The following POFUT3 variants were observed in gnomAD, a reference collection of about 807,000 sequenced individuals.
POFUT3 encodes GDP-fucose protein O-fucosyltransferase 3.
the POFUT3 span, among the ~76,000 whole-genome samples, chr8:33,425,060 G>A: frequency 8.5e-5 from 13 of 152,160 alleles, no homozygotes; most frequent in African/African-American, 1.9e-4. Flanking sequence ...CTCAGAGGCC[G>A]GGTGCTGGCT....
the POFUT3 span, among the ~76,000 whole-genome samples, chr8:33,348,170 CAAAAAA>C: frequency 3.2e-5 from 3 of 95,070 alleles, no homozygotes; most frequent in Non-Finnish European, 2.3e-5. Context: ...GACTCTGCCT[CAAAAAA>C]AAAAAAAAAA....
chr8:33,404,551 A>C, the POFUT3 span, among the ~76,000 whole-genome samples: 1 of 152,162 alleles, frequency 6.6e-6, no homozygotes, highest in Non-Finnish European at 1.5e-5. Context: ...TGAACTGCTG[A>C]ACAAAACAGG....
chr8:33,451,010 C>T, the POFUT3 span, among the ~76,000 whole-genome samples: 1 of 151,104 alleles, frequency 6.6e-6, no homozygotes, highest in African/African-American at 2.4e-5. Flanking sequence ...CTATATGCTT[C>T]CAGAGAAGGG....
the POFUT3 span, among the ~76,000 whole-genome samples, chr8:33,350,980 T>C: frequency 1.3e-5 from 2 of 152,336 alleles, no homozygotes; most frequent in African/African-American, 4.8e-5. Context: ...TCTTTATTTT[T>C]ATTTTTATTT....
chr8:33,309,158 AAAAAAAAAAAT>A, the POFUT3 span, among the ~76,000 whole-genome samples: 1 of 46,324 alleles, frequency 2.2e-5, no homozygotes, highest in African/African-American at 1.4e-4. Context: ...AAAAAAAAAA[AAAAAAAAAAAT>A]ATATATATAT....
chr8:33,355,582 T>A, the POFUT3 span, among the ~76,000 whole-genome samples: 1 of 152,192 alleles, frequency 6.6e-6, no homozygotes, highest in East Asian at 1.9e-4. Flanking sequence ...GATCTGCCAA[T>A]TGTTAGTTAT....
chr8:33,394,309 A>T, the POFUT3 span: 1 of 160,424 alleles, frequency 6.2e-6, no homozygotes, highest in African/African-American at 2.4e-5. Context: ...TTGCTAACTG[A>T]CCCTCACCTA....
the POFUT3 span, among the ~76,000 whole-genome samples, chr8:33,335,823 G>T: frequency 1.3e-5 from 2 of 152,126 alleles, no homozygotes; most frequent in Non-Finnish European, 2.9e-5. Context: ...TTATTAAGTG[G>T]AAGTGAATCA....
chr8:33,381,504 T>A, the POFUT3 span, among the ~76,000 whole-genome samples: 4 of 152,194 alleles, frequency 2.6e-5, no homozygotes, highest in African/African-American at 9.6e-5. Flanking sequence ...AGATAGTAGA[T>A]AAAAGTTTGT....
the POFUT3 span, among the ~76,000 whole-genome samples, chr8:33,433,967 TAAA>T: frequency 6.9e-5 from 9 of 130,886 alleles, no homozygotes; most frequent in Non-Finnish European, 1.1e-4. Context: ...GACACTGTCA[TAAA>T]AAAAAAAAAA....
the POFUT3 span, chr8:33,389,252 G>A: frequency 6.2e-7 from 1 of 1,614,112 alleles, no homozygotes; most frequent in Non-Finnish European, 8.5e-7. Flanking sequence ...GATGCTGGGG[G>A]ATCCGTAATA....
At chr8:33,311,122 T>G in the POFUT3 span, among the ~76,000 whole-genome samples, 1 of 152,222 alleles carries the variant, frequency 6.6e-6, no homozygotes, top group African/African-American at 2.4e-5. Flanking sequence ...CAAGCAAGAC[T>G]ATTCTCCTTG....
the POFUT3 span, among the ~76,000 whole-genome samples, chr8:33,375,117 C>T: frequency 6.6e-6 from 1 of 151,868 alleles, no homozygotes. Flanking sequence ...GTCTTGAAAT[C>T]CTGACCTCAG....
chr8:33,344,066 A>T, the POFUT3 span, among the ~76,000 whole-genome samples: 1 of 152,154 alleles, frequency 6.6e-6, no homozygotes, highest in Non-Finnish European at 1.5e-5. Context: ...TTTTTCCGTT[A>T]GTTCGTTTGT....
chr8:33,356,723 G>A, the POFUT3 span, among the ~76,000 whole-genome samples: 2 of 151,838 alleles, frequency 1.3e-5, no homozygotes, highest in African/African-American at 4.8e-5. Context: ...TGCTTTTGGT[G>A]TTTTAGACAT....
At chr8:33,323,107 A>G in the POFUT3 span, among the ~76,000 whole-genome samples, 2 of 152,174 alleles carry the variant, frequency 1.3e-5, no homozygotes, top group Non-Finnish European at 2.9e-5. Context: ...AAACAGGAGC[A>G]CACATACAAG....
chr8:33,363,596 C>T, the POFUT3 span, among the ~76,000 whole-genome samples: 20 of 151,978 alleles, frequency 1.3e-4, no homozygotes, highest in Non-Finnish European at 2.2e-4. Context: ...ATATCACCAC[C>T]GATCCCACAG....
the POFUT3 span, chr8:33,436,504 C>G: frequency 3.2e-6 from 4 of 1,234,902 alleles, no homozygotes; most frequent in East Asian, 9.5e-5. Context: ...GGCTTCCACA[C>G]TGATGTTTAC....
chr8:33,438,358 G>A, the POFUT3 span, among the ~76,000 whole-genome samples: 1 of 152,208 alleles, frequency 6.6e-6, no homozygotes, highest in Non-Finnish European at 1.5e-5. Flanking sequence ...TAGGTGGATC[G>A]TTTGAGCCCA....
Sources: gnomAD v4.1 joint callset for allele counts (sites outside exome capture counted in the v4.1 genomes callset) on GRCh38, gnomAD v4.1.1 for gene constraint, MANE v1.5 for transcripts, NCBI Gene and HGNC (gene_info 2026-07-23, HGNC 2026-07-21) for gene names.